Variants in DMXL2 observed in about 807,000 individuals in gnomAD.
The protein encoded by DMXL2 is Dmx like 2.
Under a neutral mutation model 331.1 loss-of-function variants are expected in DMXL2, and 103 were observed. That is an observed-to-expected ratio of 0.31 (90% CI 0.27 to 0.37). DMXL2 has a LOEUF of 0.37. DMXL2 is among the 10% of genes least tolerant of loss of function. The pLI is 1.00. For synonymous variants in DMXL2, 1,281 were observed against 1,252.1 expected, an observed-to-expected ratio of 1.02 and a Z score of -0.49; for missense variants, 3,171 against 3,642.9, an observed-to-expected ratio of 0.87 and a Z score of 3.33.
intron 6 of DMXL2, among the ~76,000 whole-genome samples, chr15:51,551,662 C>A (rs2049230654): frequency 6.7e-6 from 1 of 149,726 alleles, no homozygotes. Flanking sequence ...GTGCCATTAA[C>A]TGCCTGTACA....
intron 1 of DMXL2, among the ~76,000 whole-genome samples, chr15:51,607,675 C>A (rs1472974956): frequency 6.6e-6 from 1 of 151,942 alleles, no homozygotes; most frequent in Non-Finnish European, 1.5e-5. Context: ...TATACATAGA[C>A]CAAACACAGC....
chr15:51,543,681 T>C (rs147800074), intron 8 of DMXL2, among the ~76,000 whole-genome samples: 41 of 152,246 alleles, frequency 2.7e-4, no homozygotes, highest in African/African-American at 8.4e-4. Context: ...TAGGAAAGGA[T>C]AGGATGTCAG....
Position 51,449,146 on chromosome 15 carries a change from T to G in DMXL2, c.9015A>C (p.Glu3005Asp), listed in dbSNP as rs2038912637. The G allele has an allele frequency of 1.2e-6, 2 of 1,614,048 alleles. No individual in the cohort carries two copies. Among genetic ancestry groups the G allele is most frequent in the Admixed American group, 3.3e-5 (2 of 60,004 alleles). The part of the protein sequence containing the change: ...GHGLIHSFKS[E>D]HAKQSIFRNI... ...TTCGAAATATGGACTGCTTAGCATG[T>G]TCACTTTTAAATGAATGAATTAGGC... The change falls in exon 44 of 44, where the codon GAA becomes GAC. Residue 3005 changes from glutamate (E) to aspartate (D), a missense_variant. Around this residue, in one of 7 missense-constraint regions of DMXL2, gnomAD observed 766 missense variants for 940.5 expected, o/e 0.81. Transcript: ENST00000560891.
At chr15:51,517,235 TC>T in intron 13 of DMXL2, 68 bp from the exon 14 acceptor site, 1 of 1,197,528 alleles carries the variant, frequency 8.4e-7, no homozygotes, top group South Asian at 1.2e-5. Context: ...TGATACAGCA[TC>T]TTGGACATTT....
At chr15:51,575,997 T>C in intron 2 of DMXL2, 59 bp downstream of exon 2, 1 of 1,491,534 alleles carries the variant, frequency 6.7e-7, no homozygotes, top group Non-Finnish European at 9.2e-7. Context: ...GATAAGAAGA[T>C]TCTGAGATTA....
At chr15:51,520,585 G>A (rs2047299593) in intron 13 of DMXL2, among the ~76,000 whole-genome samples, 1 of 152,068 alleles carries the variant, frequency 6.6e-6, no homozygotes, top group Admixed American at 6.6e-5. Flanking sequence ...AGGCTGACAC[G>A]GTGGCTCACA....
At chr15:51,543,729 T>C (rs996599177) in intron 8 of DMXL2, among the ~76,000 whole-genome samples, 1 of 152,192 alleles carries the variant, frequency 6.6e-6, no homozygotes, top group Non-Finnish European at 1.5e-5. Context: ...ATTACGTTTT[T>C]TCTTTTAAAA....
At chr15:51,449,979 G>A (rs1223380412) in intron 43 of DMXL2, 150 bp downstream of exon 43, 2 of 677,154 alleles carry the variant, frequency 3.0e-6, no homozygotes, top group East Asian at 2.7e-5. Flanking sequence ...ACAGGAGCAT[G>A]GGGAGGCGGC....
At chr15:51,472,911 C>A (rs2041252935) in intron 28 of DMXL2, among the ~76,000 whole-genome samples, 1 of 152,150 alleles carries the variant, frequency 6.6e-6, no homozygotes, top group South Asian at 2.1e-4. Context: ...TCTGTCACCT[C>A]CTCTCTTTAG....
chr15:51,494,926 G>A lies in DMXL2; in HGVS notation c.4783+98C>T, dbSNP rs937994704. Reference sequence around the variant, plus strand: ...CTTAAGCCAAGTGATAGGTGTGCACGTAATGACTTACCTAATGTTTACACA... The same window carrying A: ...CTTAAGCCAAGTGATAGGTGTGCACATAATGACTTACCTAATGTTTACACA... On this transcript the variant is annotated intron_variant, in intron 19 of 43. Coordinates refer to ENST00000560891, the MANE Select transcript of DMXL2 (RefSeq NM_001378457.1). The A allele has an allele frequency of 3.3e-5, 25 of 760,558 alleles. 1 individual carries two copies. Among genetic ancestry groups the A allele is most frequent in the Non-Finnish European group, 5.0e-5 (23 of 458,226 alleles). The allele number at this position is 760,558 out of a possible 1,614,324, so 47.1% of individuals were successfully genotyped here.
rs1567126526 is a variant in DMXL2 at position 51,566,231 on chromosome 15, GGGTGTGT to G, written c.286-1072_286-1066del. 3.8e-4 allele frequency among the ~76,000 whole-genome samples: 36 copies of G among 94,702 alleles called. 1 individual carries two copies. The highest frequency in any genetic ancestry group is 1.3e-3 in the African/African-American group (33 of 24,886). 62.1% of individuals were successfully genotyped at this position (94,702 alleles called of 152,430 possible). On this transcript the variant is annotated intron_variant, in intron 3 of 43. Coordinates refer to ENST00000560891, the MANE Select transcript of DMXL2 (RefSeq NM_001378457.1). The stretch of plus-strand genomic sequence containing the variant: ...TATATCTAAAAAAAATGTGTGTGTG[GGGTGTGT>G]GTGTGTGTGTGTGTGTGTGTGTGTG...
At chr15:51,530,404 T>C (rs981135097) in intron 13 of DMXL2, among the ~76,000 whole-genome samples, 16 of 151,970 alleles carry the variant, frequency 1.1e-4, no homozygotes, top group Admixed American at 1.0e-3. Context: ...AACATACAAA[T>C]ACCAGTAGCA....
In DMXL2 at chr15:51,600,698, G is replaced by A. The variant is rs370357770; in HGVS notation, c.87+21761C>T. Among the ~76,000 whole-genome samples the A allele has an allele frequency of 9.2e-5, 14 of 152,280 alleles. No individual in the cohort carries two copies. In the East Asian group the frequency reaches 1.9e-3, roughly 21 times the overall value. On this transcript the variant is annotated intron_variant, in intron 1 of 43. Transcript: ENST00000560891. The stretch of plus-strand genomic sequence containing the variant: ...CGCTTGGTCAGGGTTCTCCTAGAGC[G>A]TGGCTGTCTTGGTCAAATAAACTGG...
chr15:51,612,226 C>T (rs924976808), intron 1 of DMXL2, among the ~76,000 whole-genome samples: 1 of 152,192 alleles, frequency 6.6e-6, no homozygotes, highest in Admixed American at 6.5e-5. Flanking sequence ...ATTAATCCTA[C>T]TACTTTTAAA....
At chr15:51,538,110 G>A in intron 10 of DMXL2, 103 bp downstream of exon 10, 5 of 1,404,500 alleles carry the variant, frequency 3.6e-6, no homozygotes, top group African/African-American at 1.4e-5. Context: ...AAATAGAAAA[G>A]TAAAAAGGAG....
At chr15:51,524,053 G>A (rs2047528813) in intron 13 of DMXL2, among the ~76,000 whole-genome samples, 1 of 152,136 alleles carries the variant, frequency 6.6e-6, no homozygotes, top group South Asian at 2.1e-4. Context: ...CTTAGTGAGT[G>A]GAACATGTAC....
At chr15:51,555,932 C>T (rs1037891342) in intron 6 of DMXL2, among the ~76,000 whole-genome samples, 1 of 152,162 alleles carries the variant, frequency 6.6e-6, no homozygotes, top group Non-Finnish European at 1.5e-5. Flanking sequence ...CAAAAGAGAG[C>T]TTTCCAACCC....
At chr15:51,579,817 C>T (rs2051288219) in intron 1 of DMXL2, among the ~76,000 whole-genome samples, 1 of 152,136 alleles carries the variant, frequency 6.6e-6, no homozygotes, top group Non-Finnish European at 1.5e-5. Context: ...TCTACCAAAG[C>T]CTTCCTTATA....
chr15:51,491,984 C>CATTT (rs2042833901), intron 19 of DMXL2, among the ~76,000 whole-genome samples: 1 of 152,066 alleles, frequency 6.6e-6, no homozygotes, highest in East Asian at 1.9e-4. Flanking sequence ...TTTTCATTTC[C>CATTT]CCTACAAAAA....
Sources: gnomAD v4.1 joint callset for allele counts (sites outside exome capture counted in the v4.1 genomes callset) on GRCh38, gnomAD v4.1.1 for gene constraint, gnomAD v4.1.1 regional missense constraint, MANE v1.5 for transcripts, NCBI Gene and HGNC (gene_info 2026-07-23, HGNC 2026-07-21) for gene names.